Variants in FAAH2 observed in about 807,000 individuals in gnomAD.
The protein encoded by FAAH2 is fatty acid amide hydrolase 2.
A neutral mutation model predicts 36.9 loss-of-function variants in FAAH2; 60 were observed. The ratio of observed to expected loss-of-function variants is 1.63; its 90% confidence interval spans 1.32 to 2.02. FAAH2 has a LOEUF of 2.02. Among genes scored for constraint, FAAH2 ranks in the 30% most tolerant of loss-of-function variants. The probability of loss-of-function intolerance (pLI) is 0.00; values close to 1 mark genes in which losing one functional copy is unlikely to be tolerated. For missense variants in FAAH2, 689 were observed against 397.5 expected (o/e 1.73, Z -6.23); for synonymous variants, 214 against 143.8 (o/e 1.49, Z -3.49).
the FAAH2 span, among the ~76,000 whole-genome samples, chrX:57,255,431 C>T: frequency 8.9e-6 from 1 of 111,757 alleles, no homozygotes; most frequent in Non-Finnish European, 1.9e-5. Context: ...TTTATGAGGC[C>T]AGCATCATCC....
At chrX:57,389,106 G>T (rs2055097904) in intron 7 of FAAH2, among the ~76,000 whole-genome samples, 1 of 106,193 alleles carries the variant, frequency 9.4e-6, no homozygotes, top group African/African-American at 3.4e-5. Flanking sequence ...ATTCAATTAG[G>T]TAGTACCAAG....
At chrX:57,261,530 G>A in the FAAH2 span, among the ~76,000 whole-genome samples, 1 of 82,118 alleles carries the variant, frequency 1.2e-5, no homozygotes, top group East Asian at 3.5e-4. Context: ...TCTAGCCTGG[G>A]CAACAGAGCG....
At chrX:57,122,683 C>T in the FAAH2 span, among the ~76,000 whole-genome samples, 1 of 111,379 alleles carries the variant, frequency 9.0e-6, no homozygotes, top group African/African-American at 3.3e-5. Context: ...ATGAACCAAC[C>T]AAAAACTCTG....
At chrX:57,256,567 C>T in the FAAH2 span, among the ~76,000 whole-genome samples, 4 of 111,517 alleles carry the variant, frequency 3.6e-5, no homozygotes, top group East Asian at 2.8e-4. Context: ...AAGACTTAAA[C>T]ATAAAACCTA....
At chrX:57,340,728 G>A (rs773233600) in intron 4 of FAAH2, among the ~76,000 whole-genome samples, 34 of 111,503 alleles carry the variant, frequency 3.0e-4, no homozygotes, top group Non-Finnish European at 5.5e-4. Flanking sequence ...ACTTATAAGT[G>A]GGATGGGAGC....
Position 57,441,581 on chromosome X carries a change from GT to G in FAAH2, c.1117-5337del, listed in dbSNP as rs377693660. Among the ~76,000 whole-genome samples, 42 of 103,671 alleles carry G rather than the reference GT, an allele frequency of 4.1e-4. 1 individual carries two copies. The highest frequency in any genetic ancestry group is 1.2e-3 in the African/African-American group (36 of 28,804). The allele number at this position is 103,671 out of a possible 115,157, so 90.0% of individuals were successfully genotyped here. ...CCTGGATTCACTGATTTTTTGAAGC[GT>G]TTTTTTTTTGTGTGTGTCTATCTCC... On this transcript the variant is annotated intron_variant, in intron 8 of 10. Coordinates refer to ENST00000374900, the MANE Select transcript of FAAH2 (RefSeq NM_174912.4).
At chrX:57,195,448 G>A in the FAAH2 span, among the ~76,000 whole-genome samples, 1 of 111,090 alleles carries the variant, frequency 9.0e-6, no homozygotes. Flanking sequence ...ACTTTTTGAC[G>A]GGATTATTTG....
rs1569245607 is a variant in FAAH2, at chrX:57,306,992, C to CACATATATATATATATATATAT, written c.276-3600_276-3599insCATATATATATATATATATATA. ...ACACACGTATACACACACACACACA[C>CACATATATATATATATATATAT]AGATACATATATATATATATATATA... On this transcript the variant is annotated intron_variant, in intron 2 of 10. Coordinates refer to ENST00000374900, the MANE Select transcript of FAAH2 (RefSeq NM_174912.4). 2.5e-4 allele frequency among the ~76,000 whole-genome samples: 2 copies of CACATATATATATATATATATAT among 8,040 alleles called. 1 individual carries two copies. Among genetic ancestry groups the CACATATATATATATATATATAT allele is most frequent in the Non-Finnish European group, 5.0e-3 (2 of 403 alleles). 7.0% of individuals were successfully genotyped at this position (8,040 alleles called of 115,157 possible).
At chrX:57,200,054 C>T in the FAAH2 span, among the ~76,000 whole-genome samples, 1 of 111,253 alleles carries the variant, frequency 9.0e-6, no homozygotes, top group South Asian at 3.8e-4. Context: ...TAATGTACAG[C>T]TTTAGATTAG....
chrX:57,267,071 C>T, the FAAH2 span, among the ~76,000 whole-genome samples: 2 of 112,071 alleles, frequency 1.8e-5, no homozygotes, highest in South Asian at 3.7e-4. Context: ...GAGCCCACAC[C>T]ATAGCTTCTG....
intron 3 of FAAH2, among the ~76,000 whole-genome samples, chrX:57,325,503 G>A (rs1167069185): frequency 2.7e-5 from 3 of 111,053 alleles, no homozygotes; most frequent in African/African-American, 3.3e-5. Context: ...ATTTATTATT[G>A]CCTCAATTTC....
the FAAH2 span, among the ~76,000 whole-genome samples, chrX:57,270,868 G>A: frequency 8.9e-6 from 1 of 112,022 alleles, no homozygotes; most frequent in Admixed American, 9.4e-5. Context: ...CCCCACCAAG[G>A]CCCTGGGTTT....
chrX:57,260,796 T>A, the FAAH2 span, among the ~76,000 whole-genome samples: 2 of 111,083 alleles, frequency 1.8e-5, no homozygotes, highest in Admixed American at 1.9e-4. Context: ...GTATAAAATA[T>A]GTTTAGTATC....
the FAAH2 span, among the ~76,000 whole-genome samples, chrX:57,160,831 T>C: frequency 8.9e-6 from 1 of 112,401 alleles, no homozygotes. Context: ...GATTGATTTT[T>C]TGAAGGGTTT....
At chrX:57,271,091 TCA>T in the FAAH2 span, among the ~76,000 whole-genome samples, 1 of 112,625 alleles carries the variant, frequency 8.9e-6, no homozygotes, top group Non-Finnish European at 1.9e-5. Context: ...CTTGAAATTC[TCA>T]CAGTCAGCAC....
chrX:57,339,796 G>C (rs1299485384), intron 4 of FAAH2, among the ~76,000 whole-genome samples: 4 of 112,065 alleles, frequency 3.6e-5, no homozygotes. Context: ...TTACACAGTT[G>C]TTGGGAATGT....
intron 9 of FAAH2, 106 bp from the exon 10 acceptor site, chrX:57,448,418 A>T (rs1380796426): frequency 2.7e-6 from 2 of 734,973 alleles, no homozygotes; most frequent in Non-Finnish European, 3.8e-6. Flanking sequence ...TTACTTTCTC[A>T]GTGTTCTATA....
At chrX:57,288,761 G>T (rs1416358841) in intron 1 of FAAH2, among the ~76,000 whole-genome samples, 4 of 111,226 alleles carry the variant, frequency 3.6e-5, no homozygotes, top group Non-Finnish European at 7.5e-5. Context: ...ATTCATATAT[G>T]TAAAACTTAT....
At chrX:57,327,111 CT>C (rs2053241292) in intron 3 of FAAH2, among the ~76,000 whole-genome samples, 1 of 107,782 alleles carries the variant, frequency 9.3e-6, no homozygotes, top group Non-Finnish European at 1.9e-5. Flanking sequence ...CTTAGTTTGG[CT>C]GTATATGAAA....
Sources: gnomAD v4.1 joint callset for allele counts (sites outside exome capture counted in the v4.1 genomes callset) on GRCh38, gnomAD v4.1.1 for gene constraint, MANE v1.5 for transcripts, NCBI Gene and HGNC (gene_info 2026-07-23, HGNC 2026-07-21) for gene names.